GLCE: variants seen among roughly 807,000 people sequenced by gnomAD.
GLCE encodes the protein glucuronic acid epimerase, also known as D-glucuronyl C5-epimerase.
In GLCE, 19 loss-of-function variants were observed where a neutral mutation model predicts 47.9. The observed-to-expected ratio is 0.40, with a 90% CI of 0.28 to 0.58. The LOEUF (loss-of-function observed/expected upper bound fraction) is 0.58. GLCE is among the 20% of genes least tolerant of loss of function. The probability of loss-of-function intolerance (pLI) is 0.48; values close to 1 mark genes in which losing one functional copy is unlikely to be tolerated. For synonymous variants in GLCE, 245 were observed against 263.4 expected, an observed-to-expected ratio of 0.93 and a Z score of 0.68; for missense variants, 556 against 743.3, an observed-to-expected ratio of 0.75 and a Z score of 2.93.
chr15:69,193,242 CT>C (rs2051939890), intron 1 of GLCE, among the ~76,000 whole-genome samples: 1 of 152,082 alleles, frequency 6.6e-6, no homozygotes, highest in South Asian at 2.1e-4. Context: ...TATTATTGCC[CT>C]TTTAGGGCAA....
At chr15:69,228,241 A>G (rs1292154795) in intron 2 of GLCE, among the ~76,000 whole-genome samples, 2 of 152,200 alleles carry the variant, frequency 1.3e-5, no homozygotes, top group African/African-American at 4.8e-5. Flanking sequence ...GAGTGACAGA[A>G]AGGGTAAATA....
chr15:69,210,098 C>T (rs1042291724), intron 1 of GLCE, among the ~76,000 whole-genome samples: 1 of 152,082 alleles, frequency 6.6e-6, no homozygotes, highest in Admixed American at 6.6e-5. Flanking sequence ...TGGATGAAAG[C>T]AGAGGGGGAA....
chr15:69,258,164 G>A (rs2052957150), intron 3 of GLCE, among the ~76,000 whole-genome samples: 1 of 151,856 alleles, frequency 6.6e-6, no homozygotes, highest in Admixed American at 6.6e-5. Flanking sequence ...CTACCCTCCA[G>A]AGGCCCCAGT....
chr15:69,218,345 G>C (rs957760226), intron 2 of GLCE, among the ~76,000 whole-genome samples: 6 of 151,412 alleles, frequency 4.0e-5, no homozygotes, highest in African/African-American at 1.2e-4. Flanking sequence ...CCCCATCTCT[G>C]CCAAAAAAAT....
At chr15:69,193,481 G>A (rs1301012832) in intron 1 of GLCE, among the ~76,000 whole-genome samples, 1 of 152,056 alleles carries the variant, frequency 6.6e-6, no homozygotes, top group Admixed American at 6.6e-5. Context: ...AAAATGTCAA[G>A]CCTTTACTTT....
intron 1 of GLCE, among the ~76,000 whole-genome samples, chr15:69,190,053 C>T (rs1032561221): frequency 2.6e-5 from 4 of 152,030 alleles, no homozygotes; most frequent in Non-Finnish European, 5.9e-5. Context: ...TCTTTTCTAA[C>T]ATTCAGAAGT....
At chr15:69,196,444 A>C (rs2051993341) in intron 1 of GLCE, 1 of 160,086 alleles carries the variant, frequency 6.2e-6, no homozygotes, top group Admixed American at 6.4e-5. Flanking sequence ...ACAAAAAGCA[A>C]ATTCAAGTGA....
chr15:69,220,900 A>G (rs2052368802), intron 2 of GLCE, among the ~76,000 whole-genome samples: 1 of 152,158 alleles, frequency 6.6e-6, no homozygotes, highest in Admixed American at 6.5e-5. Flanking sequence ...TAAGAATTTT[A>G]TAGTTTTAGA....
At chr15:69,262,074 G>A (rs2053023226) in intron 4 of GLCE, among the ~76,000 whole-genome samples, 1 of 152,098 alleles carries the variant, frequency 6.6e-6, no homozygotes, top group Non-Finnish European at 1.5e-5. Context: ...CCTCCCACCA[G>A]TCTTGCAGTT....
At chr15:69,172,933 T>A (rs986968995) in intron 1 of GLCE, among the ~76,000 whole-genome samples, 2 of 152,226 alleles carry the variant, frequency 1.3e-5, no homozygotes, top group Non-Finnish European at 2.9e-5. Flanking sequence ...TGTAAATATT[T>A]GATAAAGACC....
chr15:69,163,715 G>C (rs955471361), intron 1 of GLCE, among the ~76,000 whole-genome samples: 1 of 152,128 alleles, frequency 6.6e-6, no homozygotes, highest in Non-Finnish European at 1.5e-5. Context: ...TAATTTTATA[G>C]TTTTATATTA....
Position 69,160,674 on chromosome 15 carries a change from C to G in GLCE, c.-188C>G, listed in dbSNP as rs908796779. 14 of 152,948 alleles carry G rather than the reference C, an allele frequency of 9.2e-5. No homozygotes were observed. The highest frequency in any genetic ancestry group is 1.6e-4 in the Non-Finnish European group (11 of 68,304). The allele number at this position is 152,948 out of a possible 1,614,324, so 9.5% of individuals were successfully genotyped here. A position where few individuals can be genotyped will look rare whatever the true frequency, so the allele number is the denominator to read the frequency against. On this transcript the variant is annotated 5_prime_UTR_variant, in exon 1 of 5. Coordinates refer to ENST00000261858, the MANE Select transcript of GLCE (RefSeq NM_015554.3). The surrounding 1 kb of genome is among the most constrained non-coding windows in gnomAD (Gnocchi z 4.2). ...TTGCCGAGAGGCTGGAGCTGCGGCA[C>G]CGCAGGCCTGAGCCACCCCTTCTCT...
chr15:69,261,475 T>A (rs957810424), intron 4 of GLCE, 146 bp downstream of exon 4: 3 of 762,660 alleles, frequency 3.9e-6, no homozygotes, highest in Non-Finnish European at 6.3e-6. Context: ...GTCACCCCAA[T>A]GAAATCTCTA....
At chr15:69,255,071 C>T (rs189919147) in intron 2 of GLCE, among the ~76,000 whole-genome samples, 1 of 152,264 alleles carries the variant, frequency 6.6e-6, no homozygotes. Context: ...GAGCCATTGA[C>T]TATTTTATGC....
intron 4 of GLCE, among the ~76,000 whole-genome samples, chr15:69,265,964 T>A (rs1282074879): frequency 6.6e-6 from 1 of 152,226 alleles, no homozygotes; most frequent in Non-Finnish European, 1.5e-5. Context: ...CTGCAGTGTT[T>A]CAGGGATGTT....
intron 1 of GLCE, among the ~76,000 whole-genome samples, chr15:69,209,636 G>A (rs1394116390): frequency 6.6e-6 from 1 of 152,084 alleles, no homozygotes; most frequent in African/African-American, 2.4e-5. Context: ...GAGTCCAGGA[G>A]TTCATAAAAC....
chr15:69,269,129 C>T lies in GLCE; in HGVS notation c.1739C>T (p.Thr580Ile), dbSNP rs899274843. The T allele has an allele frequency of 4.3e-6, 7 of 1,613,844 alleles. No individual in the cohort carries two copies. Among genetic ancestry groups the T allele is most frequent in the African/African-American group, 1.3e-5 (1 of 74,906 alleles). ...AACCTGGCTCGCTGGGACTATCATA[C>T]CACCCACATCAATCAGTTGCAGCTA... ...APNLARWDYH[T>I]THINQLQLLS... Residue 580 changes from threonine to isoleucine, a missense_variant, in exon 5 of 5, where the codon ACC becomes ATC. By Grantham distance (89) the Thr-to-Ile change is moderately conservative (BLOSUM62 -1). This residue lies in a region of GLCE where 245 missense variants were observed against 368.1 expected (regional missense o/e 0.67). Coordinates refer to ENST00000261858, the MANE Select transcript of GLCE (RefSeq NM_015554.3).
chr15:69,246,073 C>G (rs1388332923), intron 2 of GLCE, among the ~76,000 whole-genome samples: 1 of 151,554 alleles, frequency 6.6e-6, no homozygotes, highest in East Asian at 1.9e-4. Flanking sequence ...GGTGTAGATT[C>G]CATCTCAAGA....
chr15:69,234,367 G>C (rs1566964092), intron 2 of GLCE, among the ~76,000 whole-genome samples: 1 of 152,044 alleles, frequency 6.6e-6, no homozygotes, highest in Admixed American at 6.6e-5. Flanking sequence ...CCCCATAGAA[G>C]ATGATTTTGA....
Sources: gnomAD v4.1 joint callset for allele counts (sites outside exome capture counted in the v4.1 genomes callset) on GRCh38, gnomAD v4.1.1 for gene constraint, gnomAD v4.1.1 regional missense constraint, Gnocchi (gnomAD v3.1) non-coding constraint, MANE v1.5 for transcripts, NCBI Gene and HGNC (gene_info 2026-07-23, HGNC 2026-07-21) for gene names.